Variants in BLTP3B observed in about 807,000 individuals in gnomAD.
BLTP3B encodes bridge-like lipid transfer protein family member 3B.
chr12:100,142,859 A>G, the BLTP3B span: 1 of 576,058 alleles, frequency 1.7e-6, no homozygotes, highest in Non-Finnish European at 2.9e-6. Context: ...TGGCTGCAGC[A>G]TCACCTAAGA....
chr12:100,070,181 A>C, the BLTP3B span: 1 of 1,560,752 alleles, frequency 6.4e-7, no homozygotes, highest in South Asian at 1.2e-5. Flanking sequence ...TGAGAGAAAC[A>C]AATGAGAAAC....
At chr12:100,095,203 T>C in the BLTP3B span, among the ~76,000 whole-genome samples, 869 of 152,280 alleles carry the variant, frequency 5.7e-3, 3 homozygotes, top group Non-Finnish European at 8.5e-3. Context: ...AAGTGATAAA[T>C]AGCTCATTAT....
At chr12:100,065,024 A>G in the BLTP3B span, among the ~76,000 whole-genome samples, 1 of 152,190 alleles carries the variant, frequency 6.6e-6, no homozygotes, top group South Asian at 2.1e-4. Flanking sequence ...ACTGCAAAAC[A>G]GATAAGAATT....
At chr12:100,076,782 C>A in the BLTP3B span, among the ~76,000 whole-genome samples, 1 of 152,184 alleles carries the variant, frequency 6.6e-6, no homozygotes, top group Non-Finnish European at 1.5e-5. Context: ...CTTTTCTCTG[C>A]ATATATGGAA....
chr12:100,102,700 CT>C, the BLTP3B span: 200,839 of 699,428 alleles, frequency 0.29, 6,728 homozygotes, highest in African/African-American at 0.51. Context: ...GAGGTTAAGG[CT>C]TTTTTTTTTT....
chr12:100,042,862 C>T, the BLTP3B span, among the ~76,000 whole-genome samples: 7 of 152,280 alleles, frequency 4.6e-5, no homozygotes, highest in Non-Finnish European at 8.8e-5. Context: ...TGCAGTGGCA[C>T]GATCTTGGCT....
the BLTP3B span, among the ~76,000 whole-genome samples, chr12:100,094,380 G>A: frequency 6.6e-6 from 1 of 151,994 alleles, no homozygotes; most frequent in African/African-American, 2.4e-5. Context: ...CAAAGTACTG[G>A]GATTATAGAC....
At chr12:100,065,936 G>A in the BLTP3B span, among the ~76,000 whole-genome samples, 96 of 152,180 alleles carry the variant, frequency 6.3e-4, no homozygotes, top group South Asian at 3.5e-3. Flanking sequence ...CTGGTTTTGC[G>A]GCTCAGGTGG....
At chr12:100,041,429 CTTTTTTTTTTTTTTT>C in the BLTP3B span, among the ~76,000 whole-genome samples, 4 of 101,812 alleles carry the variant, frequency 3.9e-5, no homozygotes, top group Non-Finnish European at 7.5e-5. Context: ...GCTATTGTTA[CTTTTTTTTTTTTTTT>C]TTTTTTTTTT....
chr12:100,078,601 T>A, the BLTP3B span, among the ~76,000 whole-genome samples: 1 of 152,050 alleles, frequency 6.6e-6, no homozygotes, highest in Non-Finnish European at 1.5e-5. Context: ...AGAGATTGAG[T>A]AAAACCTCAT....
At chr12:100,085,076 T>C in the BLTP3B span, among the ~76,000 whole-genome samples, 1 of 152,184 alleles carries the variant, frequency 6.6e-6, no homozygotes, top group Non-Finnish European at 1.5e-5. Flanking sequence ...AATGATAAGA[T>C]GATGATGATT....
the BLTP3B span, among the ~76,000 whole-genome samples, chr12:100,081,134 G>C: frequency 4.6e-5 from 7 of 152,130 alleles, no homozygotes; most frequent in Non-Finnish European, 8.8e-5. Flanking sequence ...CAGCCATGTG[G>C]AACTGTATGT....
the BLTP3B span, among the ~76,000 whole-genome samples, chr12:100,072,396 T>C: frequency 6.6e-6 from 1 of 152,108 alleles, no homozygotes; most frequent in East Asian, 1.9e-4. Context: ...ACTTATGCAC[T>C]ATACACAATA....
chr12:100,119,223 A>G, the BLTP3B span, among the ~76,000 whole-genome samples: 2 of 152,210 alleles, frequency 1.3e-5, no homozygotes, highest in Non-Finnish European at 2.9e-5. Flanking sequence ...ATTTTTAGGG[A>G]TAAATTTGTC....
At chr12:100,065,148 T>C in the BLTP3B span, among the ~76,000 whole-genome samples, 4 of 152,158 alleles carry the variant, frequency 2.6e-5, no homozygotes, top group Non-Finnish European at 4.4e-5. Flanking sequence ...ATAATATTCT[T>C]ATAATTTTTT....
chr12:100,037,456 G>T, the BLTP3B span: 1 of 1,365,036 alleles, frequency 7.3e-7, no homozygotes, highest in Non-Finnish European at 9.4e-7. Flanking sequence ...CCAAAAGATT[G>T]TAATGCCCGT....
the BLTP3B span, among the ~76,000 whole-genome samples, chr12:100,079,954 G>A: frequency 6.6e-6 from 1 of 152,224 alleles, no homozygotes; most frequent in African/African-American, 2.4e-5. Context: ...GCTTCCACAT[G>A]GTGCTGAGCC....
chr12:100,098,456 T>C, the BLTP3B span: 5 of 1,614,106 alleles, frequency 3.1e-6, no homozygotes, highest in Non-Finnish European at 4.2e-6. Flanking sequence ...AATGATGCAT[T>C]GAAGGCTTTT....
chr12:100,141,135 T>C, the BLTP3B span, among the ~76,000 whole-genome samples: 3 of 151,906 alleles, frequency 2.0e-5, no homozygotes, highest in Non-Finnish European at 4.4e-5. Flanking sequence ...TAGTTCAAGA[T>C]TGGGCCATAT....
Sources: gnomAD v4.1 joint callset for allele counts (sites outside exome capture counted in the v4.1 genomes callset) on GRCh38, gnomAD v4.1.1 for gene constraint, MANE v1.5 for transcripts, NCBI Gene and HGNC (gene_info 2026-07-23, HGNC 2026-07-21) for gene names.